The following RAD51B variants were observed in gnomAD, a reference collection of about 807,000 sequenced individuals.
RAD51B encodes the protein DNA repair protein RAD51 homolog 2.
A neutral mutation model predicts 42.2 loss-of-function variants in RAD51B; 38 were observed. That is an observed-to-expected ratio of 0.90 (90% confidence interval 0.70 to 1.18). The LOEUF is 1.18. Ranked by LOEUF, RAD51B falls within the 50% of genes most tolerant of loss-of-function variation. The pLI, the probability that RAD51B is intolerant of heterozygous loss-of-function variation, is 0.00. For missense variants in RAD51B, 373 were observed against 400.7 expected (o/e 0.93, Z 0.59); for synonymous variants, 154 against 145.2 (o/e 1.06, Z -0.43).
chr14:68,435,788 T>A (rs1243749684), intron 9 of RAD51B, among the ~76,000 whole-genome samples: 1 of 152,170 alleles, frequency 6.6e-6, no homozygotes, highest in Non-Finnish European at 1.5e-5. Flanking sequence ...ATTTTGAGCA[T>A]TTTTTCATGT....
chr14:68,207,750 A>C (rs1198457693), intron 7 of RAD51B, among the ~76,000 whole-genome samples: 1 of 152,196 alleles, frequency 6.6e-6, no homozygotes, highest in Non-Finnish European at 1.5e-5. Context: ...CCAATACTGC[A>C]GAATAGTCAA....
At chr14:68,258,407 C>CCACACA (rs368278669) in intron 7 of RAD51B, among the ~76,000 whole-genome samples, 18 of 146,920 alleles carry the variant, frequency 1.2e-4, no homozygotes, top group South Asian at 4.4e-4. Flanking sequence ...TACACACACA[C>CCACACA]CACACACACA....
At chr14:67,835,905 G>C (rs1008813022) in intron 4 of RAD51B, among the ~76,000 whole-genome samples, 5 of 151,862 alleles carry the variant, frequency 3.3e-5, no homozygotes, top group African/African-American at 1.2e-4. Flanking sequence ...GAAACAATTG[G>C]GGGAATTAAA....
At chr14:68,069,476 C>A (rs565492975) in intron 7 of RAD51B, 3 of 152,182 alleles carry the variant, frequency 2.0e-5, no homozygotes, top group Middle Eastern at 3.4e-3. Flanking sequence ...TCTGTTGTTC[C>A]CGTTTTTGAG....
chr14:68,310,831 C>T (rs1215904387), intron 8 of RAD51B, among the ~76,000 whole-genome samples: 1 of 152,000 alleles, frequency 6.6e-6, no homozygotes, highest in Non-Finnish European at 1.5e-5. Flanking sequence ...GGCCACAGAG[C>T]AAGACTCCAT....
chr14:68,562,686 C>T, intron 10 of RAD51B: 1 of 985,350 alleles, frequency 1.0e-6, no homozygotes, highest in Non-Finnish European at 1.2e-6. Context: ...GAAGAAAAGA[C>T]CCTGACTTGT....
chr14:68,266,369 C>T (rs2139567319), intron 7 of RAD51B, among the ~76,000 whole-genome samples: 1 of 152,292 alleles, frequency 6.6e-6, no homozygotes, highest in South Asian at 2.1e-4. Flanking sequence ...TGGTAATCAA[C>T]TAGGGAGAAC....
Position 68,025,357 on chromosome 14 carries a change from T to C in RAD51B, c.756+138153T>C, listed in dbSNP as rs184276919. 2.3e-3 allele frequency among the ~76,000 whole-genome samples: 352 copies of C among 152,228 alleles called. 5 individuals carry two copies. Among genetic ancestry groups the C allele is most frequent in the Middle Eastern group, 6.8e-3 (2 of 294 alleles). On this transcript the variant is annotated intron_variant, in intron 7 of 10. Transcript: ENST00000471583. Reference sequence around the variant, plus strand: ...CTGGTATCAGGTAATGCTGGCTTCATAGAATGAGTTATGGAGGAGTCCCTC... The same window carrying C: ...CTGGTATCAGGTAATGCTGGCTTCACAGAATGAGTTATGGAGGAGTCCCTC...
intron 8 of RAD51B, among the ~76,000 whole-genome samples, chr14:68,353,425 T>C (rs1282337565): frequency 6.6e-6 from 1 of 152,184 alleles, no homozygotes; most frequent in Non-Finnish European, 1.5e-5. Flanking sequence ...TCTATGTGTG[T>C]AGGTGAGGGA....
chr14:68,399,225 C>A (rs2084014430), intron 8 of RAD51B, among the ~76,000 whole-genome samples: 1 of 151,452 alleles, frequency 6.6e-6, no homozygotes, highest in South Asian at 2.1e-4. Flanking sequence ...GTATATTGAA[C>A]TCCCCATATA....
intron 10 of RAD51B, among the ~76,000 whole-genome samples, chr14:68,505,384 G>C (rs1325235173): frequency 6.6e-6 from 1 of 152,160 alleles, no homozygotes; most frequent in East Asian, 1.9e-4. Context: ...TGTATTTCTA[G>C]CCAGTCCCTT....
At chr14:68,225,965 G>T (rs2080029443) in intron 7 of RAD51B, among the ~76,000 whole-genome samples, 1 of 152,186 alleles carries the variant, frequency 6.6e-6, no homozygotes, top group Non-Finnish European at 1.5e-5. Flanking sequence ...CCTTTCGAGT[G>T]TTTTAAGGTA....
At chr14:68,457,758 C>T (rs1480399657) in intron 9 of RAD51B, among the ~76,000 whole-genome samples, 2 of 150,988 alleles carry the variant, frequency 1.3e-5, no homozygotes, top group Non-Finnish European at 3.0e-5. Flanking sequence ...GCCACCACGC[C>T]CAGCTAATTT....
intron 9 of RAD51B, among the ~76,000 whole-genome samples, chr14:68,425,334 G>A (rs117085594): frequency 0.022 from 3,415 of 152,316 alleles, 57 homozygotes; most frequent in Non-Finnish European, 0.034. Flanking sequence ...TACTTAAGTA[G>A]TAGTTTACTT....
chr14:68,112,478 A>G (rs2077474845), intron 7 of RAD51B, among the ~76,000 whole-genome samples: 1 of 152,134 alleles, frequency 6.6e-6, no homozygotes, highest in South Asian at 2.1e-4. Flanking sequence ...GCGTAGAGAT[A>G]CATGATGACA....
At chr14:68,379,138 G>C (rs2083430246) in intron 8 of RAD51B, among the ~76,000 whole-genome samples, 2 of 152,154 alleles carry the variant, frequency 1.3e-5, no homozygotes, top group Admixed American at 6.5e-5. Context: ...TGCTCAGTCT[G>C]ACATAAGTCT....
At chr14:68,138,487 A>C (rs1300459863) in intron 7 of RAD51B, among the ~76,000 whole-genome samples, 1 of 152,182 alleles carries the variant, frequency 6.6e-6, no homozygotes, top group Non-Finnish European at 1.5e-5. Context: ...CTCTTCAAGG[A>C]GAAAAGAAAC....
chr14:67,891,452 T>C (rs2043216522), intron 7 of RAD51B, among the ~76,000 whole-genome samples: 1 of 152,170 alleles, frequency 6.6e-6, no homozygotes, highest in Admixed American at 6.5e-5. Context: ...TTAAAGCTGC[T>C]TAGACAAATG....
At chr14:68,561,855 CTG>C (rs1190072644) in intron 10 of RAD51B, 2 of 682,568 alleles carry the variant, frequency 2.9e-6, no homozygotes, top group Admixed American at 6.3e-5. Flanking sequence ...TGTCTGGTCT[CTG>C]TAGTTTCCTC....
Sources: allele counts gnomAD v4.1 joint callset (sites outside exome capture counted in the v4.1 genomes callset), GRCh38; gene constraint gnomAD v4.1.1; transcripts MANE v1.5; gene names NCBI Gene and HGNC (gene_info 2026-07-23, HGNC 2026-07-21).